The following BST1 variants were observed in gnomAD, a reference collection of about 807,000 sequenced individuals.
BST1 encodes ADP-ribosyl cyclase/cyclic ADP-ribose hydrolase 2.
Under a neutral mutation model 40.6 loss-of-function variants are expected in BST1, and 49 were observed. That is an observed-to-expected ratio of 1.21 (90% CI 0.96 to 1.53). The LOEUF (loss-of-function observed/expected upper bound fraction) is 1.53. BST1 is among the 40% of genes most tolerant of loss of function. BST1 has a pLI of 0.00. For missense variants in BST1, 423 were observed against 395.9 expected, an observed-to-expected ratio of 1.07 and a Z score of -0.58; for synonymous variants, 157 against 159.3, an observed-to-expected ratio of 0.99 and a Z score of 0.11.
intron 8 of BST1, among the ~76,000 whole-genome samples, chr4:15,724,143 T>C (rs11931532): frequency 0.13 from 20,466 of 152,130 alleles, 2,590 homozygotes; most frequent in East Asian, 0.52. Flanking sequence ...CTGATGACAG[T>C]GCTTTACTCT....
chr4:15,752,560 G>C, the BST1 span, among the ~76,000 whole-genome samples: 1 of 151,800 alleles, frequency 6.6e-6, no homozygotes, highest in Non-Finnish European at 1.5e-5. Context: ...AGCTAATTTT[G>C]TATTTTTAGT....
chr4:15,727,759 C>G (rs1721189674), intron 8 of BST1, among the ~76,000 whole-genome samples: 1 of 151,986 alleles, frequency 6.6e-6, no homozygotes, highest in Non-Finnish European at 1.5e-5. Context: ...TTTTGGTGCC[C>G]TATTCCAAAC....
chr4:15,703,218 T>G lies in BST1; in HGVS notation c.74T>G (p.Leu25Arg), dbSNP rs1719640037. 2 of 1,549,890 alleles carry G rather than the reference T, an allele frequency of 1.3e-6. No homozygotes were observed. Among genetic ancestry groups the G allele is most frequent in the South Asian group, 1.2e-5 (1 of 84,500 alleles). Residue 25 changes from leucine (L) to arginine (R), a missense_variant, in exon 1 of 9, where the codon CTG becomes CGG. Physicochemically the swap from Leu to Arg is moderately radical, Grantham distance 102 (BLOSUM62 -2). Coordinates refer to ENST00000265016, the MANE Select transcript of BST1 (RefSeq NM_004334.3). Reference protein sequence around the residue: ...LLQLLLLLLLLAAGGARARWR... With the variant: ...LLQLLLLLLLRAAGGARARWR... The stretch of plus-strand genomic sequence containing the variant: ...CAGCTTCTGCTTCTACTGTTGCTGC[T>G]GGCGGCGGGCGGGGCGCGCGCGCGG...
intron 4 of BST1, among the ~76,000 whole-genome samples, chr4:15,713,206 C>CTTT (rs34681185): frequency 2.7e-3 from 311 of 114,716 alleles, no homozygotes; most frequent in Non-Finnish European, 3.4e-3. Flanking sequence ...ATATTTTCAT[C>CTTT]TTTTTTTTTT....
At chr4:15,747,628 C>G in the BST1 span, among the ~76,000 whole-genome samples, 1 of 152,144 alleles carries the variant, frequency 6.6e-6, no homozygotes, top group East Asian at 1.9e-4. Context: ...CTCCCTGAGC[C>G]AAAGCACAGT....
chr4:15,730,961 C>A, intron 8 of BST1: 2 of 424,082 alleles, frequency 4.7e-6, no homozygotes, highest in South Asian at 3.3e-5. Flanking sequence ...TCAAATGTGC[C>A]TTAATATAGG....
chr4:15,704,026 GCATGTGTTCTAGAGGTGTGTGTGTATC>G (rs1719729310), intron 1 of BST1, among the ~76,000 whole-genome samples: 1 of 140,074 alleles, frequency 7.1e-6, no homozygotes, highest in African/African-American at 2.7e-5. Flanking sequence ...AGGGGTGCGT[GCATGTGTTCTAGAGGTGTGTGTGTATC>G]TGTGTTCTAG....
In BST1 at chr4:15,704,980, T is replaced by G. The variant is rs755007006; in HGVS notation, c.189-535T>G. 3.9e-6 allele frequency: 3 copies of G among 771,340 alleles called. No homozygotes were observed. In the South Asian group the frequency reaches 4.1e-5, roughly 11 times the overall value. 47.8% of individuals were successfully genotyped at this position (771,340 alleles called of 1,614,324 possible). On this transcript the variant is annotated intron_variant, in intron 1 of 8. Coordinates refer to ENST00000265016, the MANE Select transcript of BST1 (RefSeq NM_004334.3). ...ACACCACCCAGTATGAGAAACAAAG[T>G]TACAAATGCTATGGGAAATATTTTT...
the BST1 span, among the ~76,000 whole-genome samples, chr4:15,748,344 C>T: frequency 6.6e-6 from 1 of 152,124 alleles, no homozygotes; most frequent in South Asian, 2.1e-4. Context: ...TCTGAAGAGG[C>T]AAGCACCCTC....
chr4:15,735,283 G>A (rs1394454683), downstream of BST1, among the ~76,000 whole-genome samples: 1 of 152,178 alleles, frequency 6.6e-6, no homozygotes, highest in African/African-American at 2.4e-5. Context: ...AGCATTGTTT[G>A]GGTCCTTGCC....
chr4:15,725,083 A>T (rs1298916114), intron 8 of BST1, among the ~76,000 whole-genome samples: 4 of 152,108 alleles, frequency 2.6e-5, no homozygotes, highest in African/African-American at 7.2e-5. Flanking sequence ...AGAAATAAAC[A>T]TCTGTCTTCT....
downstream of BST1, among the ~76,000 whole-genome samples, chr4:15,741,868 C>T (rs1346160698): frequency 6.6e-6 from 1 of 152,146 alleles, no homozygotes; most frequent in Non-Finnish European, 1.5e-5. Flanking sequence ...TGGCTTATGG[C>T]CTAAAGTCTG....
At chr4:15,725,158 C>A (rs937323029) in intron 8 of BST1, among the ~76,000 whole-genome samples, 4 of 152,182 alleles carry the variant, frequency 2.6e-5, no homozygotes, top group African/African-American at 9.7e-5. Flanking sequence ...GGTTCATATT[C>A]TCCCTTCAGA....
the BST1 span, among the ~76,000 whole-genome samples, chr4:15,766,228 T>A: frequency 6.6e-6 from 1 of 151,992 alleles, no homozygotes; most frequent in Non-Finnish European, 1.5e-5. Context: ...TTATCCATGA[T>A]ACGAGCTTGT....
chr4:15,719,285 A>G (rs1720680898), intron 7 of BST1, among the ~76,000 whole-genome samples: 1 of 152,102 alleles, frequency 6.6e-6, no homozygotes, highest in Non-Finnish European at 1.5e-5. Context: ...GTGCAGCGAG[A>G]TGCTGGAGTA....
intron 1 of BST1, chr4:15,704,848 T>G: frequency 1.4e-6 from 1 of 717,798 alleles, no homozygotes; most frequent in Non-Finnish European, 2.6e-6. Context: ...TTTTGTTCCT[T>G]CTGTGGCCCC....
At chr4:15,719,146 C>T (rs1020917404) in intron 7 of BST1, among the ~76,000 whole-genome samples, 153 bp downstream of exon 7, 3 of 151,964 alleles carry the variant, frequency 2.0e-5, no homozygotes, top group Non-Finnish European at 2.9e-5. Flanking sequence ...CACTTTCTGG[C>T]CTGAGTTTGG....
intron 8 of BST1, 189 bp from the exon 9 acceptor site, chr4:15,731,551 G>C: frequency 9.9e-7 from 1 of 1,014,748 alleles, no homozygotes; most frequent in Non-Finnish European, 1.5e-6. Context: ...CAGAAACTTG[G>C]GGTGCTTGCG....
the BST1 span, among the ~76,000 whole-genome samples, chr4:15,744,073 C>T: frequency 6.6e-6 from 1 of 152,124 alleles, no homozygotes; most frequent in South Asian, 2.1e-4. Flanking sequence ...TTGACTAATC[C>T]CTTCACCTTC....
Sources: allele counts gnomAD v4.1 joint callset (sites outside exome capture counted in the v4.1 genomes callset), GRCh38; gene constraint gnomAD v4.1.1; transcripts MANE v1.5; gene names NCBI Gene and HGNC (gene_info 2026-07-23, HGNC 2026-07-21).